PCDH15: variants seen among roughly 807,000 people sequenced by gnomAD.
PCDH15 encodes protocadherin-15.
A neutral mutation model predicts 178.5 loss-of-function variants in PCDH15; 129 were observed. The ratio of observed to expected loss-of-function variants is 0.72; its 90% CI spans 0.63 to 0.84. The LOEUF (loss-of-function observed/expected upper bound fraction) is 0.84. PCDH15 is among the 40% of genes least tolerant of loss of function. The probability of loss-of-function intolerance (pLI) is 0.00; values close to 1 mark genes in which losing one functional copy is unlikely to be tolerated. For synonymous variants in PCDH15, 800 were observed against 732.0 expected (o/e 1.09, Z -1.50); for missense variants, 2,230 against 2,099.9 (o/e 1.06, Z -1.21).
chr10:54,723,012 A>G (rs1941896939), intron 1 of PCDH15, among the ~76,000 whole-genome samples: 1 of 151,652 alleles, frequency 6.6e-6, no homozygotes, highest in Non-Finnish European at 1.5e-5. Flanking sequence ...TCAATTTAGC[A>G]ATGTTATTTC....
intron 2 of PCDH15, among the ~76,000 whole-genome samples, chr10:54,899,899 T>C (rs1489110480): frequency 1.3e-5 from 2 of 150,852 alleles, no homozygotes; most frequent in East Asian, 2.0e-4. Flanking sequence ...TAGAGTTGCT[T>C]AAAATTTGCT....
At chr10:54,988,358 T>G (rs1009924641) in intron 2 of PCDH15, among the ~76,000 whole-genome samples, 6 of 151,938 alleles carry the variant, frequency 3.9e-5, no homozygotes, top group African/African-American at 1.5e-4. Flanking sequence ...AATATGGAAG[T>G]GACTTTGGAA....
intron 2 of PCDH15, among the ~76,000 whole-genome samples, chr10:54,541,482 A>T (rs1296716464): frequency 1.3e-5 from 2 of 152,194 alleles, no homozygotes; most frequent in Non-Finnish European, 2.9e-5. Context: ...TAAACTAAAA[A>T]TAAACAACTC....
intron 5 of PCDH15, among the ~76,000 whole-genome samples, chr10:54,348,183 T>TA (rs1379677307): frequency 6.6e-6 from 1 of 152,056 alleles, no homozygotes; most frequent in Non-Finnish European, 1.5e-5. Context: ...TATAAATAGG[T>TA]AAAATAAAAT....
chr10:54,609,008 A>G (rs1452038407), intron 2 of PCDH15, among the ~76,000 whole-genome samples: 1 of 152,118 alleles, frequency 6.6e-6, no homozygotes, highest in Non-Finnish European at 1.5e-5. Context: ...ATAATCACGC[A>G]CTACAAGCGC....
intron 13 of PCDH15, among the ~76,000 whole-genome samples, chr10:54,180,745 C>A (rs749254750): frequency 9.5e-4 from 145 of 152,272 alleles, no homozygotes; most frequent in Non-Finnish European, 1.4e-3. Flanking sequence ...CGAGACCATT[C>A]TTCTACCACA....
intron 21 of PCDH15, among the ~76,000 whole-genome samples, chr10:53,992,514 T>C (rs2134838457): frequency 6.6e-6 from 1 of 152,316 alleles, no homozygotes; most frequent in African/African-American, 2.4e-5. Context: ...AGATGAAACA[T>C]AAACCCTATT....
chr10:53,959,913 T>C, intron 22 of PCDH15, 69 bp from the exon 23 acceptor site: 3 of 1,192,434 alleles, frequency 2.5e-6, no homozygotes, highest in Non-Finnish European at 3.7e-6. Flanking sequence ...AATTTTTATA[T>C]GTATGTTTTT....
intron 3 of PCDH15, among the ~76,000 whole-genome samples, chr10:54,821,373 T>A (rs542800371): frequency 6.6e-6 from 1 of 152,180 alleles, no homozygotes; most frequent in East Asian, 1.9e-4. Context: ...AGTCCCATTG[T>A]TGTAGGGGCT....
chr10:54,736,122 A>G (rs1461562946), intron 1 of PCDH15, among the ~76,000 whole-genome samples: 2 of 152,062 alleles, frequency 1.3e-5, no homozygotes, highest in Admixed American at 1.3e-4. Flanking sequence ...AGAAGCTGCA[A>G]TAATCCTGGC....
upstream of PCDH15, among the ~76,000 whole-genome samples, chr10:55,322,805 G>T (rs1340621036): frequency 1.0e-5 from 1 of 99,938 alleles, no homozygotes; most frequent in Non-Finnish European, 2.1e-5. Flanking sequence ...AAAAAAAAAT[G>T]GGGGGGGAGA....
chr10:55,542,334 C>G (rs1841782102), intron 2 of PCDH15, among the ~76,000 whole-genome samples: 1 of 149,874 alleles, frequency 6.7e-6, no homozygotes, highest in Admixed American at 6.7e-5. Flanking sequence ...ACCCTATGCC[C>G]CTTGAATATA....
intron 20 of PCDH15, among the ~76,000 whole-genome samples, chr10:54,018,934 T>G (rs1169494700): frequency 6.6e-6 from 1 of 152,112 alleles, no homozygotes; most frequent in Non-Finnish European, 1.5e-5. Flanking sequence ...AATCAAAACA[T>G]GTATACTAAA....
intron 2 of PCDH15, among the ~76,000 whole-genome samples, chr10:54,532,794 C>A (rs2084066763): frequency 6.6e-6 from 1 of 151,846 alleles, no homozygotes; most frequent in African/African-American, 2.4e-5. Flanking sequence ...CAGGCCTGAG[C>A]CACTATCTGT....
intron 2 of PCDH15, among the ~76,000 whole-genome samples, chr10:54,960,044 A>C (rs1377353781): frequency 2.0e-5 from 3 of 152,260 alleles, no homozygotes; most frequent in Non-Finnish European, 4.4e-5. Flanking sequence ...TCAAATTTGA[A>C]GCGTCCAGTC....
chr10:54,375,596 T>C (rs1199449081), intron 4 of PCDH15, among the ~76,000 whole-genome samples: 1 of 151,766 alleles, frequency 6.6e-6, no homozygotes, highest in Non-Finnish European at 1.5e-5. Flanking sequence ...TAGAAAAGCA[T>C]AATTTCATAA....
At chr10:55,014,710 G>A (rs769022547) in intron 2 of PCDH15, among the ~76,000 whole-genome samples, 2 of 152,078 alleles carry the variant, frequency 1.3e-5, no homozygotes, top group Admixed American at 6.5e-5. Flanking sequence ...AATAAAAAAT[G>A]TTTCTTTAGA....
chr10:54,369,307 C>T (rs761977705), intron 4 of PCDH15, 32 bp from the exon 5 acceptor site: 1 of 1,602,442 alleles, frequency 6.2e-7, no homozygotes, highest in Non-Finnish European at 8.5e-7. Flanking sequence ...TTTTAAAATA[C>T]TAATTAAAAA....
intron 18 of PCDH15, among the ~76,000 whole-genome samples, chr10:54,052,693 C>T (rs1178969038): frequency 1.3e-5 from 2 of 152,036 alleles, no homozygotes; most frequent in Non-Finnish European, 2.9e-5. Context: ...GTTGGAAGGG[C>T]ATAATTGTGT....
Sources: allele counts gnomAD v4.1 joint callset (sites outside exome capture counted in the v4.1 genomes callset), GRCh38; gene constraint gnomAD v4.1.1; transcripts MANE v1.5; gene names NCBI Gene and HGNC (gene_info 2026-07-23, HGNC 2026-07-21).